CNBD1: variants seen among roughly 807,000 people sequenced by gnomAD.
The protein encoded by CNBD1 is cyclic nucleotide binding domain containing 1.
Under a neutral mutation model 54.4 loss-of-function variants are expected in CNBD1, and 71 were observed. That is an observed-to-expected ratio of 1.30 (90% CI 1.08 to 1.59). CNBD1 has a LOEUF of 1.59. Among genes scored for constraint, CNBD1 ranks in the 40% most tolerant of loss-of-function variants. The pLI is 0.00. For missense variants in CNBD1, 659 were observed against 518.0 expected (o/e 1.27, Z -2.64); for synonymous variants, 182 against 170.7 (o/e 1.07, Z -0.51).
intron 4 of CNBD1, among the ~76,000 whole-genome samples, chr8:87,045,135 T>C (rs1169918330): frequency 6.6e-6 from 1 of 152,188 alleles, no homozygotes; most frequent in African/African-American, 2.4e-5. Context: ...CAAAGGTCCT[T>C]GGAAGAATGG....
intron 4 of CNBD1, among the ~76,000 whole-genome samples, chr8:86,949,975 G>T (rs867367176): frequency 0.038 from 48 of 1,278 alleles, 3 homozygotes; most frequent in East Asian, 0.1. Context: ...TTTTTTTTTT[G>T]AGATGGAGTC....
At chr8:87,256,500 C>T (rs1808028129) in intron 6 of CNBD1, among the ~76,000 whole-genome samples, 1 of 151,934 alleles carries the variant, frequency 6.6e-6, no homozygotes, top group Non-Finnish European at 1.5e-5. Context: ...TCCCAGGTTG[C>T]TGTGAAGACT....
chr8:87,268,770 T>C (rs942326282), intron 6 of CNBD1, among the ~76,000 whole-genome samples: 2 of 152,114 alleles, frequency 1.3e-5, no homozygotes, highest in African/African-American at 4.8e-5. Flanking sequence ...CCATTTTTAA[T>C]GGGGTTTTTG....
intron 10 of CNBD1, among the ~76,000 whole-genome samples, chr8:87,380,533 G>C (rs1254136521): frequency 6.6e-6 from 1 of 151,696 alleles, no homozygotes; most frequent in East Asian, 1.9e-4. Context: ...ATAAAAAATT[G>C]TTTTGTCTAT....
chr8:87,234,927 G>T (rs1401138371), intron 5 of CNBD1, among the ~76,000 whole-genome samples: 1 of 152,158 alleles, frequency 6.6e-6, no homozygotes, highest in Non-Finnish European at 1.5e-5. Flanking sequence ...TCTGTTTAGT[G>T]TAACCACCTT....
At chr8:87,248,719 C>A (rs896869560) in intron 6 of CNBD1, among the ~76,000 whole-genome samples, 1 of 152,160 alleles carries the variant, frequency 6.6e-6, no homozygotes, top group African/African-American at 2.4e-5. Context: ...CTTTTGTTGG[C>A]AGTCACAGAG....
At position 86,940,093 on chromosome 8, in the gene CNBD1, C is replaced by T. The variant is rs557172509; in HGVS notation, c.431+339C>T. Among the ~76,000 whole-genome samples the T allele has an allele frequency of 2.9e-3, 431 of 150,492 alleles. 2 individuals are homozygous for T. The highest frequency in any genetic ancestry group is 9.3e-3 in the African/African-American group (380 of 40,658). On this transcript the variant is annotated intron_variant, in intron 4 of 10. Transcript: ENST00000518476. ...CGGAAGGCTCTTCACAAACTGTCTT[C>T]CTCATCCAGGAGTCTTTAAATAAAC...
intron 4 of CNBD1, among the ~76,000 whole-genome samples, chr8:87,086,357 C>T (rs983851737): frequency 6.6e-6 from 1 of 152,210 alleles, no homozygotes; most frequent in Non-Finnish European, 1.5e-5. Context: ...TGAGTAACCC[C>T]AGCCCTCTGA....
At chr8:87,223,117 C>T (rs1037773641) in intron 5 of CNBD1, among the ~76,000 whole-genome samples, 1 of 150,550 alleles carries the variant, frequency 6.6e-6, no homozygotes, top group Admixed American at 6.6e-5. Flanking sequence ...ATAAAAACCC[C>T]TGTGACCCCA....
At chr8:87,383,032 C>A (rs547721339), downstream of CNBD1, among the ~76,000 whole-genome samples, 3 of 151,738 alleles carry the variant, frequency 2.0e-5, no homozygotes, top group African/African-American at 7.2e-5. Context: ...CCACATGTGC[C>A]TTTTGGGATT....
At chr8:87,419,071 A>G (rs1163945107) in intron 2 of CNBD1, among the ~76,000 whole-genome samples, 1 of 151,218 alleles carries the variant, frequency 6.6e-6, no homozygotes. Context: ...CCAACTGATG[A>G]AGAAAATATG....
At chr8:87,028,555 G>C (rs941379085) in intron 4 of CNBD1, among the ~76,000 whole-genome samples, 1 of 152,198 alleles carries the variant, frequency 6.6e-6, no homozygotes, top group Non-Finnish European at 1.5e-5. Context: ...GAGAAGAAAG[G>C]AGAACAGTCT....
In CNBD1 at chr8:87,396,255, G is replaced by A. The variant is rs141445152; in HGVS notation, c.214-32291G>A. Among the ~76,000 whole-genome samples the A allele has an allele frequency of 3.9e-3, 590 of 151,928 alleles. 8 individuals carry two copies. Among genetic ancestry groups the A allele is most frequent in the African/African-American group, 0.013 (556 of 41,506 alleles). ...TACAGTCTTCTTCAGTTCTTTGCAG[G>A]TGTTTGTCTATAGTTTCATACAACA... On this transcript the variant is annotated intron_variant, in intron 2 of 7. Transcript: ENST00000521593.
At position 87,158,970 on chromosome 8, in the gene CNBD1, A is replaced by G. The variant is rs138021062; in HGVS notation, c.432-47023A>G. On this transcript the variant is annotated intron_variant, in intron 4 of 10. Transcript: ENST00000518476. ...ATCATTTGACAGGATCAAGCTATAA[A>G]TCTGTTTTTATACAATTTGAGGAAG... 1.2e-4 allele frequency among the ~76,000 whole-genome samples: 19 copies of G among 152,290 alleles called. No individual in the cohort carries two copies. In the East Asian group the frequency reaches 3.3e-3, roughly 26 times the overall value.
intron 5 of CNBD1, among the ~76,000 whole-genome samples, chr8:87,226,805 C>G (rs1376494396): frequency 1.3e-5 from 2 of 150,984 alleles, no homozygotes; most frequent in Admixed American, 1.3e-4. Flanking sequence ...TGTTGACTTT[C>G]TGTCTCGTTG....
intron 4 of CNBD1, among the ~76,000 whole-genome samples, chr8:87,076,341 C>G (rs115312029): frequency 0.034 from 5,219 of 152,210 alleles, 320 homozygotes; most frequent in African/African-American, 0.12. Flanking sequence ...CATATGGTCA[C>G]TCTACAAATA....
chr8:87,014,146 C>A (rs58228293), intron 4 of CNBD1, among the ~76,000 whole-genome samples: 8,644 of 148,500 alleles, frequency 0.058, 790 homozygotes, highest in African/African-American at 0.2. Context: ...ATACAGAAAA[C>A]AAAAAAAAAC....
intron 4 of CNBD1, among the ~76,000 whole-genome samples, chr8:87,003,121 G>T (rs927614223): frequency 1.7e-4 from 26 of 151,926 alleles, no homozygotes; most frequent in African/African-American, 6.3e-4. Flanking sequence ...AAAATAAAAG[G>T]AATACTTTTA....
chr8:87,199,643 ATCT>A (rs1467271755), intron 4 of CNBD1, among the ~76,000 whole-genome samples: 2 of 152,308 alleles, frequency 1.3e-5, no homozygotes, highest in East Asian at 3.9e-4. Flanking sequence ...GAATTTCTTC[ATCT>A]TCCGTAACTG....
Sources: allele counts gnomAD v4.1 joint callset (sites outside exome capture counted in the v4.1 genomes callset), GRCh38; gene constraint gnomAD v4.1.1; transcripts MANE v1.5; gene names NCBI Gene and HGNC (gene_info 2026-07-23, HGNC 2026-07-21).